Variants in MAP4 observed in about 807,000 individuals in gnomAD.
MAP4 encodes the protein microtubule associated protein 4, also known as microtubule-associated protein 4.
Under a neutral mutation model 170.2 loss-of-function variants are expected in MAP4, and 76 were observed. The ratio of observed to expected loss-of-function variants is 0.45; its 90% CI spans 0.37 to 0.54. MAP4 has a LOEUF of 0.54. MAP4 is among the 20% of genes least tolerant of loss of function. The pLI is 0.00. For synonymous variants in MAP4, 909 were observed against 994.5 expected (o/e 0.91, Z 1.62); for missense variants, 2,506 against 2,748.0 (o/e 0.91, Z 1.97).
chr3:48,059,981 A>C (rs1483016177), intron 1 of MAP4, among the ~76,000 whole-genome samples: 3 of 151,958 alleles, frequency 2.0e-5, no homozygotes, highest in Admixed American at 6.6e-5. Flanking sequence ...TCAAAAAAAA[A>C]AAAAAACTTT....
chr3:47,909,766 G>T lies in MAP4; in HGVS notation c.4655C>A (p.Ser1552Tyr), dbSNP rs772527821. 1 of 1,613,990 alleles carries T rather than the reference G, an allele frequency of 6.2e-7. No individual in the cohort carries two copies. The highest frequency in any genetic ancestry group is 1.1e-5 in the South Asian group (1 of 91,076). The change falls in exon 9 of 21, where the codon TCT (serine) becomes TAT (tyrosine). Residue 1552 changes from serine (S) to tyrosine (Y), a missense_variant. Physicochemically the swap from Ser to Tyr is moderately radical, Grantham distance 144 (BLOSUM62 -2). This residue lies in a region of MAP4 where 2,008 missense variants were observed against 2,206.0 expected (regional missense o/e 0.91). Transcript: ENST00000683076. ...AGACGCACCACTGTGCACTGACTCA[G>T]ATTCTCCTATCACATGCCCTTCATC... Reference protein sequence around the residue: ...GIDEGHVIGESESVHSGASKH... With the variant: ...GIDEGHVIGEYESVHSGASKH...
At chr3:47,999,722 G>C (rs538597321) in intron 1 of MAP4, among the ~76,000 whole-genome samples, 61 of 151,970 alleles carry the variant, frequency 4.0e-4, no homozygotes, top group Non-Finnish European at 7.2e-4. Context: ...GGAGGGAAAG[G>C]AGCAGAAAAG....
At chr3:47,975,585 T>C (rs1316119490) in intron 3 of MAP4, 1 of 737,252 alleles carries the variant, frequency 1.4e-6, no homozygotes, top group African/African-American at 1.7e-5. Context: ...ACCAAAGCTA[T>C]TAATGAAGCT....
chr3:47,895,567 T>C (rs1044503032), intron 10 of MAP4, among the ~76,000 whole-genome samples: 1 of 152,228 alleles, frequency 6.6e-6, no homozygotes, highest in African/African-American at 2.4e-5. Flanking sequence ...AGTTGGCCCT[T>C]ATATTCTGAA....
intron 1 of MAP4, among the ~76,000 whole-genome samples, chr3:48,012,671 C>T (rs932130130): frequency 6.6e-6 from 1 of 152,128 alleles, no homozygotes; most frequent in African/African-American, 2.4e-5. Flanking sequence ...CGCCCCCAGC[C>T]ACACACTCTC....
At chr3:47,978,033 C>A in intron 2 of MAP4, 100 bp from the exon 3 acceptor site, 1 of 785,268 alleles carries the variant, frequency 1.3e-6, no homozygotes, top group South Asian at 1.5e-5. Context: ...CTCTTTGTAG[C>A]ATTAGGTTAA....
upstream of MAP4, among the ~76,000 whole-genome samples, chr3:48,020,631 T>C (rs1367947630): frequency 6.6e-6 from 1 of 152,082 alleles, no homozygotes; most frequent in East Asian, 1.9e-4. Flanking sequence ...ACAGCAAAAG[T>C]TGAAGAGATC....
chr3:47,995,262 T>C (rs1461572462), intron 2 of MAP4, among the ~76,000 whole-genome samples: 1 of 149,448 alleles, frequency 6.7e-6, no homozygotes, highest in Non-Finnish European at 1.5e-5. Context: ...TTTTTTTTTT[T>C]TTTTTTGAGA....
intron 1 of MAP4, among the ~76,000 whole-genome samples, chr3:48,085,570 C>G (rs2100148616): frequency 6.6e-6 from 1 of 152,184 alleles, no homozygotes; most frequent in East Asian, 1.9e-4. Context: ...TCCTCCAGCA[C>G]TGTATGTGTT....
At chr3:47,987,413 G>A (rs1349925075) in intron 2 of MAP4, 22 of 1,532,702 alleles carry the variant, frequency 1.4e-5, no homozygotes, top group Non-Finnish European at 1.9e-5. Flanking sequence ...AGGCTGGCAG[G>A]GTGTGGGGGT....
intron 1 of MAP4, among the ~76,000 whole-genome samples, chr3:48,063,555 T>C (rs781241806): frequency 3.9e-5 from 6 of 152,194 alleles, no homozygotes; most frequent in Non-Finnish European, 5.9e-5. Context: ...TGGACATTTA[T>C]AGTAGCTTTA....
intron 1 of MAP4, among the ~76,000 whole-genome samples, chr3:48,051,072 CT>C (rs2100127538): frequency 6.6e-6 from 1 of 151,182 alleles, no homozygotes; most frequent in African/African-American, 2.4e-5. Flanking sequence ...ATCAAATCAC[CT>C]TTGAAAACCA....
chr3:47,866,265 A>G (rs2079676214), intron 17 of MAP4, among the ~76,000 whole-genome samples: 1 of 151,928 alleles, frequency 6.6e-6, no homozygotes, highest in Non-Finnish European at 1.5e-5. Flanking sequence ...TGACCCTGGT[A>G]GGTGGAGGTT....
chr3:48,036,186 T>C (rs910803869), intron 1 of MAP4, among the ~76,000 whole-genome samples: 2 of 152,198 alleles, frequency 1.3e-5, no homozygotes, highest in Non-Finnish European at 2.9e-5. Flanking sequence ...TAGCAAGCTC[T>C]ATGCAAAGCA....
intron 1 of MAP4, among the ~76,000 whole-genome samples, chr3:48,070,581 C>T (rs2100140439): frequency 1.3e-5 from 2 of 152,058 alleles, no homozygotes; most frequent in Admixed American, 6.6e-5. Flanking sequence ...CCTTGGTATC[C>T]GAAGTGCTGG....
chr3:48,033,504 T>C (rs1013626090), intron 1 of MAP4, among the ~76,000 whole-genome samples: 3 of 152,242 alleles, frequency 2.0e-5, no homozygotes, highest in African/African-American at 7.2e-5. Context: ...TTAATTTTTT[T>C]AATTGAAGTG....
intron 1 of MAP4, among the ~76,000 whole-genome samples, chr3:48,076,142 G>A (rs777610389): frequency 6.6e-6 from 1 of 151,642 alleles, no homozygotes; most frequent in African/African-American, 2.4e-5. Context: ...AGCATTTTGG[G>A]AGGCAAGGAA....
chr3:47,922,772 G>A (rs750860092), intron 4 of MAP4, among the ~76,000 whole-genome samples: 7 of 152,142 alleles, frequency 4.6e-5, no homozygotes, highest in Non-Finnish European at 8.8e-5. Context: ...AAGCAGGGCC[G>A]GGCATGGTGG....
rs560681368 is a variant in MAP4 at position 47,969,414 on chromosome 3, G to A, written c.292+8451C>T. Among the ~76,000 whole-genome samples, 168 of 55,952 alleles carry A rather than the reference G, an allele frequency of 3.0e-3. No individual in the cohort carries two copies. In the Middle Eastern group the frequency reaches 0.034, roughly 11 times the overall value. 36.7% of individuals were successfully genotyped at this position (55,952 alleles called of 152,430 possible). A position where few individuals can be genotyped will look rare whatever the true frequency, so the allele number is the denominator to read the frequency against. On this transcript the variant is annotated intron_variant, in intron 3 of 20. Transcript: ENST00000683076. ...AGAGCAAAACTCTGTCTCGCGGGGC[G>A]CGGGGAGAGAAAAAAAAAAAAGGAT... is the stretch of plus-strand genomic sequence containing the variant.
Sources: gnomAD v4.1 joint callset for allele counts (sites outside exome capture counted in the v4.1 genomes callset) on GRCh38, gnomAD v4.1.1 for gene constraint, gnomAD v4.1.1 regional missense constraint, MANE v1.5 for transcripts, NCBI Gene and HGNC (gene_info 2026-07-23, HGNC 2026-07-21) for gene names.